CMYA5: variants seen among roughly 807,000 people sequenced by gnomAD.
CMYA5 encodes cardiomyopathy-associated protein 5.
Under a neutral mutation model 318.9 loss-of-function variants are expected in CMYA5, and 246 were observed. That is an observed-to-expected ratio of 0.77 (90% CI 0.70 to 0.86). The LOEUF (loss-of-function observed/expected upper bound fraction) is 0.86. Ranked by LOEUF, CMYA5 falls within the 40% of genes least tolerant of loss-of-function variation. CMYA5 has a pLI of 0.00. For missense variants in CMYA5, 4,589 were observed against 4,678.2 expected (o/e 0.98, Z 0.56); for synonymous variants, 1,641 against 1,729.5 (o/e 0.95, Z 1.27).
At position 79,765,722 on chromosome 5, in the gene CMYA5, T is replaced by A. The variant is rs537337390; in HGVS notation, c.11555+2513T>A. Among the ~76,000 whole-genome samples the A allele has an allele frequency of 3.9e-5, 6 of 152,336 alleles. No homozygotes were observed. In the East Asian group the frequency reaches 1.2e-3, roughly 29 times the overall value. ...TCCTTCATATCCCTTGTAAGTTGTA[T>A]TCCTAGGTATTTAATTCTCTTTGTA... is the stretch of plus-strand genomic sequence containing the variant. On this transcript the variant is annotated intron_variant, in intron 9 of 12. Transcript: ENST00000446378.
intron 12 of CMYA5, among the ~76,000 whole-genome samples, chr5:79,797,174 G>A (rs555125812): frequency 2.1e-4 from 32 of 152,042 alleles, no homozygotes; most frequent in Non-Finnish European, 3.5e-4. Flanking sequence ...CTCTGCTGTC[G>A]GACTGTTCAC....
intron 2 of CMYA5, among the ~76,000 whole-genome samples, chr5:79,742,707 A>G (rs1047916408): frequency 2.0e-5 from 3 of 151,652 alleles, no homozygotes; most frequent in Non-Finnish European, 2.9e-5. Flanking sequence ...CTGCATTCTC[A>G]GTGTTTATTT....
rs959129009 is a variant in CMYA5, at chr5:79,737,661, G to C, written c.8896G>C (p.Asp2966His). 1.2e-6 allele frequency: 2 copies of C among 1,613,162 alleles called. No individual in the cohort carries two copies. Among genetic ancestry groups the C allele is most frequent in the East Asian group, 2.2e-5 (1 of 44,870 alleles). The change falls in exon 2 of 13, where the codon GAT (aspartate) becomes CAT (histidine). Residue 2966 changes from aspartate (D) to histidine (H), a missense_variant. Transcript: ENST00000446378. ...TGCTCCGGCCTTTATTTCTTCAATC[G>C]ATCAGGAAGAAAGTGAACAAATGCA... The part of the protein sequence containing the change: ...IHAPAFISSI[D>H]QEESEQMQDK...
intron 2 of CMYA5, among the ~76,000 whole-genome samples, chr5:79,742,158 T>C: frequency 7.2e-6 from 1 of 138,500 alleles, no homozygotes; most frequent in African/African-American, 2.6e-5. Context: ...CCCTCTTCCT[T>C]TCCCCCCTCC....
chr5:79,791,132 G>A lies in CMYA5; in HGVS notation c.11789+63G>A, dbSNP rs116357807. The A allele has an allele frequency of 2.3e-3, 2,652 of 1,156,460 alleles. 36 individuals are homozygous for A. The African/African-American group carries it at 0.034, about 15-fold the overall frequency. 71.6% of individuals were successfully genotyped at this position (1,156,460 alleles called of 1,614,324 possible). ...CAGCAGTAGGGTCTTAGGGTGTGTC[G>A]CCTCAGGGTGGCCTCCGCTGAGCAT... On this transcript the variant is annotated intron_variant, in intron 11 of 12. Transcript: ENST00000446378.
At chr5:79,745,523 A>G (rs1580782978) in intron 4 of CMYA5, 68 bp downstream of exon 4, 3 of 915,190 alleles carry the variant, frequency 3.3e-6, no homozygotes. Context: ...TTAAAGCTTC[A>G]TTTTTCACTA....
rs1265491066 is a variant in CMYA5, at chr5:79,729,876, G to A, written c.1111G>A (p.Ala371Thr). Residue 371 changes from alanine (A) to threonine (T), a missense_variant, in exon 2 of 13, where the codon GCA becomes ACA. Ala to Thr is a moderately conservative substitution (Grantham distance 58). Transcript: ENST00000446378. ...AGTGCCACAACAGCCAGAAGATGAAGCAAAACCACATGAAGTGGAACCTCC... is the reference window on the plus strand; with the variant it reads ...AGTGCCACAACAGCCAGAAGATGAAACAAAACCACATGAAGTGGAACCTCC... ...QSVPQQPEDE[A>T]KPHEVEPPSV... is the part of the protein sequence containing the mutation. The A allele has an allele frequency of 1.9e-6, 3 of 1,612,602 alleles. No individual in the cohort carries two copies. The Admixed American group carries it at 5.0e-5, about 27-fold the overall frequency.
intron 5 of CMYA5, among the ~76,000 whole-genome samples, chr5:79,751,290 C>T (rs979448949): frequency 6.6e-6 from 1 of 152,196 alleles, no homozygotes; most frequent in Non-Finnish European, 1.5e-5. Context: ...TGTTTCCCAA[C>T]TCCCACGGTG....
chr5:79,799,855 A>AAT lies in CMYA5; in HGVS notation c.*239_*240insAT. 1 of 280,006 alleles carries AAT rather than the reference A, an allele frequency of 3.6e-6. No homozygotes were observed. The highest frequency in any genetic ancestry group is 6.5e-6 in the Non-Finnish European group (1 of 153,636). The allele number at this position is 280,006 out of a possible 1,614,324, so 17.3% of individuals were successfully genotyped here. ...CCACTCTTTAGTTTATATAAGTTTGAGTTCTTTCCTAAATTAAAAGATCTA... is the reference window on the plus strand; with the variant it reads ...CCACTCTTTAGTTTATATAAGTTTGAATGTTCTTTCCTAAATTAAAAGATCTA... On this transcript the variant is annotated 3_prime_UTR_variant, in exon 13 of 13. Transcript: ENST00000446378.
Position 79,739,966 on chromosome 5 carries a change from G to C in CMYA5, c.10638+563G>C, listed in dbSNP as rs2151088985. On this transcript the variant is annotated intron_variant, in intron 2 of 12. Coordinates refer to ENST00000446378, the MANE Select transcript of CMYA5 (RefSeq NM_153610.5). ...CCACTGCACTCCACTCTAGGTGACA[G>C]AGTGAGACCCTGTCTCAAAAATAAA... is the stretch of plus-strand genomic sequence containing the variant. Among the ~76,000 whole-genome samples, 3 of 152,066 alleles carry C rather than the reference G, an allele frequency of 2.0e-5. No individual in the cohort carries two copies. The South Asian group carries it at 6.2e-4, about 32-fold the overall frequency.
chr5:79,752,101 T>C (rs980768640), intron 5 of CMYA5, among the ~76,000 whole-genome samples: 1 of 152,216 alleles, frequency 6.6e-6, no homozygotes, highest in African/African-American at 2.4e-5. Flanking sequence ...GATTTAGAAA[T>C]TGTGGCTTGT....
intron 9 of CMYA5, among the ~76,000 whole-genome samples, chr5:79,785,714 T>C (rs944433835): frequency 1.3e-5 from 2 of 152,178 alleles, no homozygotes; most frequent in African/African-American, 2.4e-5. Flanking sequence ...CATCTGCAAA[T>C]GGTAGTAATT....
rs1828091912 is a variant in CMYA5 at position 79,737,164 on chromosome 5, A to G, written c.8399A>G (p.Asp2800Gly). ...GAAAGGACTTTAGCTCGTCCTTTTG[A>G]TGAAACTAAGAGCTCAGAAACACCG... ...ESERTLARPFDETKSSETPPY... is the reference protein window; with the variant it reads ...ESERTLARPFGETKSSETPPY... The change falls in exon 2 of 13, where the codon GAT becomes GGT. Residue 2800 changes from aspartate to glycine, a missense_variant. Around this residue, in one of 3 missense-constraint regions of CMYA5, gnomAD observed 2,431 missense variants for 2,495.1 expected, o/e 0.97. Coordinates refer to ENST00000446378, the MANE Select transcript of CMYA5 (RefSeq NM_153610.5). 1 of 1,612,910 alleles carries G rather than the reference A, an allele frequency of 6.2e-7. No individual in the cohort carries two copies. Among genetic ancestry groups the G allele is most frequent in the South Asian group, 1.1e-5 (1 of 90,910 alleles).
At chr5:79,695,725 G>C (rs1466184847) in intron 1 of CMYA5, among the ~76,000 whole-genome samples, 1 of 152,198 alleles carries the variant, frequency 6.6e-6, no homozygotes, top group Non-Finnish European at 1.5e-5. Context: ...AGTGGAAGCG[G>C]TTAATTTCAA....
At position 79,732,231 on chromosome 5, in the gene CMYA5, C is replaced by A. The variant is rs1827929172; in HGVS notation, c.3466C>A (p.Gln1156Lys). The A allele has an allele frequency of 1.2e-6, 2 of 1,613,742 alleles. No homozygotes were observed. Among genetic ancestry groups the A allele is most frequent in the Admixed American group, 1.7e-5 (1 of 59,960 alleles). ...VAAIPAALPAQSSIVKEETKP... is the reference protein window; with the variant it reads ...VAAIPAALPAKSSIVKEETKP... ...TGCAATACCTGCTGCTTTACCTGCA[C>A]AATCATCTATAGTAAAGGAAGAAAC... The change falls in exon 2 of 13, where the codon CAA (glutamine) becomes AAA (lysine). Residue 1156 changes from glutamine (Q) to lysine (K), a missense_variant. Coordinates refer to ENST00000446378, the MANE Select transcript of CMYA5 (RefSeq NM_153610.5).
chr5:79,791,735 G>T (rs1257740651), intron 11 of CMYA5, among the ~76,000 whole-genome samples: 3 of 148,036 alleles, frequency 2.0e-5, no homozygotes, highest in Non-Finnish European at 4.4e-5. Context: ...AAAAAAAAAG[G>T]CATAGAAGAG....
rs201737525 is a variant in CMYA5, at chr5:79,737,139, G to C, written c.8374G>C (p.Glu2792Gln). The C allele has an allele frequency of 5.6e-6, 9 of 1,613,080 alleles. No homozygotes were observed. The highest frequency in any genetic ancestry group is 7.6e-6 in the Non-Finnish European group (9 of 1,179,604). ...MKEGFPSKES[E>Q]RTLARPFDET... is the part of the protein sequence containing the mutation. ...AGAAGGATTTCCATCTAAAGAATCC[G>C]AAAGGACTTTAGCTCGTCCTTTTGA... Residue 2792 changes from glutamate to glutamine, a missense_variant, in exon 2 of 13, where the codon GAA becomes CAA. This residue lies in a region of CMYA5 where 2,431 missense variants were observed against 2,495.1 expected (regional missense o/e 0.97). Transcript: ENST00000446378.
chr5:79,749,504 T>C (rs569962630), intron 5 of CMYA5, among the ~76,000 whole-genome samples: 2 of 152,260 alleles, frequency 1.3e-5, no homozygotes, highest in Non-Finnish European at 2.9e-5. Context: ...ATTGGAAAAT[T>C]TTTTTGAGAT....
At chr5:79,792,419 A>T (rs533128703) in intron 11 of CMYA5, among the ~76,000 whole-genome samples, 2 of 152,366 alleles carry the variant, frequency 1.3e-5, no homozygotes, top group East Asian at 3.9e-4. Flanking sequence ...GAGGAGGGTA[A>T]GAGTTCACAG....
Sources: gnomAD v4.1 joint callset for allele counts (sites outside exome capture counted in the v4.1 genomes callset) on GRCh38, gnomAD v4.1.1 for gene constraint, gnomAD v4.1.1 regional missense constraint, MANE v1.5 for transcripts, NCBI Gene and HGNC (gene_info 2026-07-23, HGNC 2026-07-21) for gene names.